Variants in TMEFF2 observed in about 807,000 individuals in gnomAD.
TMEFF2 encodes the protein tomoregulin-2.
In TMEFF2, 28 loss-of-function variants were observed where a neutral mutation model predicts 53.8. That is an observed-to-expected ratio of 0.52 (90% CI 0.39 to 0.71). The LOEUF (loss-of-function observed/expected upper bound fraction) is 0.71. Among genes scored for constraint, TMEFF2 ranks in the 30% least tolerant of loss-of-function variants. The pLI is 0.00. For missense variants in TMEFF2, 353 were observed against 455.2 expected (o/e 0.78, Z 2.04); for synonymous variants, 162 against 166.3 (o/e 0.97, Z 0.20).
intron 5 of TMEFF2, among the ~76,000 whole-genome samples, chr2:192,028,153 C>T (rs948309388): frequency 1.3e-5 from 2 of 151,736 alleles, no homozygotes; most frequent in African/African-American, 4.8e-5. Context: ...CCTGCACAAG[C>T]TCTCTTTTTG....
intron 5 of TMEFF2, among the ~76,000 whole-genome samples, chr2:192,006,550 T>C (rs1686506771): frequency 6.6e-6 from 1 of 152,200 alleles, no homozygotes; most frequent in South Asian, 2.1e-4. Flanking sequence ...ATTTACTAGC[T>C]GGATGGCACT....
At chr2:192,105,533 G>C (rs1044466725) in intron 4 of TMEFF2, among the ~76,000 whole-genome samples, 2 of 151,830 alleles carry the variant, frequency 1.3e-5, no homozygotes, top group African/African-American at 4.8e-5. Context: ...ATAATGAAAT[G>C]GTGGCTAAGA....
At chr2:192,036,194 T>C (rs1687288777) in intron 5 of TMEFF2, 1 of 152,232 alleles carries the variant, frequency 6.6e-6, no homozygotes, top group Non-Finnish European at 1.5e-5. Context: ...ACAAATTAAA[T>C]ATAAGTCTGC....
chr2:192,031,829 C>T (rs1344223548), intron 5 of TMEFF2: 1 of 152,180 alleles, frequency 6.6e-6, no homozygotes, highest in Non-Finnish European at 1.5e-5. Flanking sequence ...GACCCACAGC[C>T]TTTCTTGCTT....
At chr2:192,117,642 T>C (rs946199927) in intron 4 of TMEFF2, among the ~76,000 whole-genome samples, 1 of 152,026 alleles carries the variant, frequency 6.6e-6, no homozygotes. Context: ...AAAAGGACCA[T>C]ATGTGACTCT....
At chr2:192,182,526 C>G (rs1319041074) in intron 3 of TMEFF2, among the ~76,000 whole-genome samples, 2 of 151,870 alleles carry the variant, frequency 1.3e-5, no homozygotes, top group Non-Finnish European at 2.9e-5. Flanking sequence ...CATAGTATAA[C>G]CAGCACATCA....
chr2:192,163,066 G>C (rs1559152555), intron 4 of TMEFF2, among the ~76,000 whole-genome samples: 1 of 152,206 alleles, frequency 6.6e-6, no homozygotes, highest in Non-Finnish European at 1.5e-5. Flanking sequence ...GCTGAACAAA[G>C]TCTATGGGTG....
intron 4 of TMEFF2, among the ~76,000 whole-genome samples, chr2:192,147,529 G>A (rs1416698504): frequency 6.7e-6 from 1 of 150,316 alleles, no homozygotes; most frequent in African/African-American, 2.5e-5. Context: ...CCCTTACTGT[G>A]TCCAAGTGTT....
intron 7 of TMEFF2, among the ~76,000 whole-genome samples, chr2:191,961,810 T>C (rs572016654): frequency 1.3e-5 from 2 of 152,286 alleles, no homozygotes; most frequent in Admixed American, 1.3e-4. Context: ...AAAGCATTCC[T>C]ATTGAATGGG....
In TMEFF2 at chr2:192,089,577, G is replaced by A. The variant is rs553494074; in HGVS notation, c.440-31802C>T. Reference sequence around the variant, plus strand: ...CCCACAGAGTCCTGACCATTTTTTCGTGAGAACAGCATCTGCGATTTGGGT... The same window carrying A: ...CCCACAGAGTCCTGACCATTTTTTCATGAGAACAGCATCTGCGATTTGGGT... On this transcript the variant is annotated intron_variant, in intron 4 of 9. Transcript: ENST00000272771. Among the ~76,000 whole-genome samples, 16 of 151,796 alleles carry A rather than the reference G, an allele frequency of 1.1e-4. No homozygotes were observed. The East Asian group carries it at 1.2e-3, about 11-fold the overall frequency.
At chr2:192,052,351 G>A (rs549629164) in intron 5 of TMEFF2, among the ~76,000 whole-genome samples, 58 of 152,280 alleles carry the variant, frequency 3.8e-4, no homozygotes, top group Non-Finnish European at 7.9e-4. Flanking sequence ...ATTAAATCAA[G>A]TATCAACCCC....
chr2:192,029,264 A>C (rs1687055852), intron 5 of TMEFF2: 1 of 152,044 alleles, frequency 6.6e-6, no homozygotes. Context: ...GTGAGCTTGC[A>C]AGTGGATCTT....
chr2:192,022,549 T>C (rs1418163916), intron 5 of TMEFF2, among the ~76,000 whole-genome samples: 1 of 152,198 alleles, frequency 6.6e-6, no homozygotes, highest in Non-Finnish European at 1.5e-5. Context: ...AGTGGCTTTG[T>C]TTCTTTGGTA....
At chr2:192,065,404 G>T (rs931879511) in intron 4 of TMEFF2, among the ~76,000 whole-genome samples, 1 of 151,674 alleles carries the variant, frequency 6.6e-6, no homozygotes. Context: ...GAAACTAACA[G>T]GTTATGTTAA....
At chr2:192,173,627 G>T (rs373782754) in intron 4 of TMEFF2, among the ~76,000 whole-genome samples, 1 of 151,802 alleles carries the variant, frequency 6.6e-6, no homozygotes, top group East Asian at 1.9e-4. Context: ...ATTATGTACT[G>T]TTTTGAAATT....
intron 4 of TMEFF2, among the ~76,000 whole-genome samples, chr2:192,145,916 G>T (rs553997884): frequency 1.3e-5 from 2 of 151,890 alleles, no homozygotes; most frequent in South Asian, 2.1e-4. Flanking sequence ...CCCTTTTGAA[G>T]ACACAAAAAG....
chr2:192,184,444 C>T lies in TMEFF2; in HGVS notation c.322G>A (p.Glu108Lys), dbSNP rs1161748858. 1.2e-6 allele frequency: 2 copies of T among 1,613,252 alleles called. No homozygotes were observed. The highest frequency in any genetic ancestry group is 1.7e-6 in the Non-Finnish European group (2 of 1,179,508). Residue 108 changes from glutamate to lysine, a missense_variant, in exon 3 of 10, where the codon GAG becomes AAG. Transcript: ENST00000272771. ...AGGTAACACTCATTCTGGTAGCTCT[C>T]CCCATTGGAGCCACACACAGGCACA... is the stretch of plus-strand genomic sequence containing the variant. Reference protein sequence around the residue: ...DYVPVCGSNGESYQNECYLRQ... With the variant: ...DYVPVCGSNGKSYQNECYLRQ...
chr2:192,028,180 T>C (rs1687020735), intron 5 of TMEFF2, among the ~76,000 whole-genome samples: 1 of 151,996 alleles, frequency 6.6e-6, no homozygotes, highest in Non-Finnish European at 1.5e-5. Flanking sequence ...ACCATGCATG[T>C]AAGAGGTGAC....
chr2:191,999,714 C>T (rs1686310542), intron 5 of TMEFF2, among the ~76,000 whole-genome samples: 2 of 151,956 alleles, frequency 1.3e-5, no homozygotes, highest in African/African-American at 4.8e-5. Flanking sequence ...TAAGGACGCA[C>T]ATAAAATGTA....
Sources: allele counts gnomAD v4.1 joint callset (sites outside exome capture counted in the v4.1 genomes callset), GRCh38; gene constraint gnomAD v4.1.1; transcripts MANE v1.5; gene names NCBI Gene and HGNC (gene_info 2026-07-23, HGNC 2026-07-21).